CPSF4L: variants seen among roughly 807,000 people sequenced by gnomAD.
The protein encoded by CPSF4L is cleavage and polyadenylation specific factor 4 like, also known as putative cleavage and polyadenylation specificity factor subunit 4-like protein.
CPSF4L carries 18 observed loss-of-function variants against 24.0 expected under a neutral mutation model. The observed-to-expected ratio is 0.75, with a 90% CI of 0.52 to 1.11. The LOEUF (loss-of-function observed/expected upper bound fraction) is 1.11, where lower values mean the gene tolerates loss of function less well. Among genes scored for constraint, CPSF4L ranks in the 50% least tolerant of loss-of-function variants. The pLI is 0.00. For missense variants in CPSF4L, 211 were observed against 221.8 expected, an observed-to-expected ratio of 0.95 and a Z score of 0.31; for synonymous variants, 72 against 77.2, an observed-to-expected ratio of 0.93 and a Z score of 0.35.
Position 73,261,795 on chromosome 17 carries a change from T to G in CPSF4L, c.24A>C (p.Leu8=). 6.4e-7 allele frequency: 1 copy of G among 1,551,734 alleles called. No homozygotes were observed. MQEVIAG[L]ERFTFAFEKD... Reference sequence around the variant, plus strand: ...TCTCGAAGGCAAAGGTGAACCGCTCTAGCCCCGCAATGACCTCTTGCATCT... The same window carrying G: ...TCTCGAAGGCAAAGGTGAACCGCTCGAGCCCCGCAATGACCTCTTGCATCT... The change falls in exon 1 of 6, where the codon CTA becomes CTC. Residue 8 remains leucine, a synonymous_variant. Coordinates refer to ENST00000344935, the MANE Select transcript of CPSF4L (RefSeq NM_001129885.1).
At chr17:73,242,383 T>G in the CPSF4L span, 5 of 1,450,656 alleles carry the variant, frequency 3.4e-6, no homozygotes, top group Non-Finnish European at 4.7e-6. Flanking sequence ...TGTCTTCTGT[T>G]GCAGGTTCTG....
At chr17:73,242,781 A>T in the CPSF4L span, 1 of 727,222 alleles carries the variant, frequency 1.4e-6, no homozygotes, top group Non-Finnish European at 2.3e-6. Context: ...ATGTGCGTGT[A>T]AATCTCTGAA....
chr17:73,262,151 A>G (rs7213309), upstream of CPSF4L: 259,504 of 261,100 alleles, frequency 0.99, 128,982 homozygotes, highest in East Asian at 1. Flanking sequence ...TGGCGTGCAC[A>G]CAGACATTAC....
At chr17:73,248,658 A>T (rs546839042) in intron 5 of CPSF4L, 122 bp from the exon 6 acceptor site, 1 of 992,990 alleles carries the variant, frequency 1.0e-6, no homozygotes, top group East Asian at 2.6e-5. Context: ...GAGAGGACGT[A>T]TTTGAAGGTT....
At chr17:73,245,168 A>G (rs201204708), downstream of CPSF4L, 13 of 1,613,632 alleles carry the variant, frequency 8.1e-6, no homozygotes, top group African/African-American at 1.6e-4. Flanking sequence ...TTATCCAAAG[A>G]GCTGCAGCGG....
chr17:73,246,795 A>G (rs575427838), downstream of CPSF4L, among the ~76,000 whole-genome samples: 1 of 152,210 alleles, frequency 6.6e-6, no homozygotes, highest in African/African-American at 2.4e-5. Flanking sequence ...GAAGAGTTCT[A>G]CATTCAGTTA....
At chr17:73,247,260 G>A (rs1403236388), downstream of CPSF4L, 1 of 1,614,162 alleles carries the variant, frequency 6.2e-7, no homozygotes, top group Non-Finnish European at 8.5e-7. Flanking sequence ...GCCGACCCCT[G>A]CCCTGGAAGA....
intron 5 of CPSF4L, among the ~76,000 whole-genome samples, chr17:73,252,299 A>G (rs1039315396): frequency 2.0e-5 from 3 of 152,144 alleles, no homozygotes; most frequent in African/African-American, 7.2e-5. Flanking sequence ...ATATTTCAGA[A>G]CCCTGTAGGG....
chr17:73,245,556 C>G (rs1461761681), downstream of CPSF4L: 3 of 985,220 alleles, frequency 3.0e-6, no homozygotes, highest in Admixed American at 1.8e-4. Flanking sequence ...CATTACCATT[C>G]AGCTATATGA....
chr17:73,261,873 A>T lies in CPSF4L; in HGVS notation c.-55T>A. 1.5e-6 allele frequency: 2 copies of T among 1,341,764 alleles called. No individual in the cohort carries two copies. Among genetic ancestry groups the T allele is most frequent in the East Asian group, 5.0e-5 (2 of 39,816 alleles). The allele number at this position is 1,341,764 out of a possible 1,614,324, so 83.1% of individuals were successfully genotyped here. A position where few individuals can be genotyped will look rare whatever the true frequency, so the allele number is the denominator to read the frequency against. On this transcript the variant is annotated 5_prime_UTR_variant, in exon 1 of 6. Transcript: ENST00000344935. Reference sequence around the variant, plus strand: ...TGCTGGAACCCAGGCAGGTGGGCCCAATATAGCTCATCAGAGGCCCTTAAG... The same window carrying T: ...TGCTGGAACCCAGGCAGGTGGGCCCTATATAGCTCATCAGAGGCCCTTAAG...
chr17:73,244,016 G>A (rs1366410736), downstream of CPSF4L, among the ~76,000 whole-genome samples: 19 of 152,184 alleles, frequency 1.2e-4, no homozygotes, highest in East Asian at 1.9e-4. Flanking sequence ...ATGTGTCTAA[G>A]TCTTATTGCT....
chr17:73,258,757 T>C (rs1361373655), intron 2 of CPSF4L, among the ~76,000 whole-genome samples: 1 of 152,196 alleles, frequency 6.6e-6, no homozygotes, highest in Non-Finnish European at 1.5e-5. Context: ...CCCCCTCTCG[T>C]CCTGCCAGGG....
chr17:73,255,818 CG>C (rs1198581068), intron 3 of CPSF4L, among the ~76,000 whole-genome samples: 1 of 152,152 alleles, frequency 6.6e-6, no homozygotes, highest in Non-Finnish European at 1.5e-5. Context: ...CACTGGTTGC[CG>C]TTCTGCTGCG....
chr17:73,255,350 T>C (rs2062020833), intron 3 of CPSF4L, among the ~76,000 whole-genome samples: 1 of 151,546 alleles, frequency 6.6e-6, no homozygotes, highest in African/African-American at 2.4e-5. Context: ...CTACTAAAAA[T>C]ACAAAAATTA....
chr17:73,261,405 T>C (rs1218380964), intron 1 of CPSF4L, among the ~76,000 whole-genome samples: 3 of 152,208 alleles, frequency 2.0e-5, no homozygotes, highest in Non-Finnish European at 2.9e-5. Flanking sequence ...CTCATGCCTG[T>C]AATCCCAGCA....
chr17:73,257,680 C>A lies in CPSF4L; in HGVS notation c.307+1G>T, dbSNP rs1599414187. The A allele has an allele frequency of 3.2e-6, 5 of 1,551,514 alleles. No individual in the cohort carries two copies. Among genetic ancestry groups the A allele is most frequent in the East Asian group, 4.9e-5 (2 of 40,912 alleles). ...GGCACCGAGCCAGGAAGAGGCCTTACCAAACTTGGAGTAGAAGTAGCACTC... is the reference window on the plus strand; with the variant it reads ...GGCACCGAGCCAGGAAGAGGCCTTAACAAACTTGGAGTAGAAGTAGCACTC... On this transcript the variant is annotated splice_donor_variant, in intron 3 of 5. Transcript: ENST00000344935. LOFTEE classifies it high-confidence loss of function.
chr17:73,250,980 C>T, intron 5 of CPSF4L: 1 of 1,537,766 alleles, frequency 6.5e-7, no homozygotes, highest in South Asian at 1.2e-5. Context: ...CACCCTGTGG[C>T]ACAGGCCCTG....
chr17:73,256,522 T>C (rs1427043474), intron 3 of CPSF4L, among the ~76,000 whole-genome samples: 1 of 152,244 alleles, frequency 6.6e-6, no homozygotes, highest in Non-Finnish European at 1.5e-5. Flanking sequence ...TCCAGGGGAT[T>C]CTGCCAGCTC....
upstream of CPSF4L, chr17:73,261,917 T>TC: frequency 1.2e-6 from 1 of 852,794 alleles, no homozygotes. Flanking sequence ...GCCCAATGCC[T>TC]CCCCCTTCAC....
Sources: gnomAD v4.1 joint callset for allele counts (sites outside exome capture counted in the v4.1 genomes callset) on GRCh38, gnomAD v4.1.1 for gene constraint, MANE v1.5 for transcripts, NCBI Gene and HGNC (gene_info 2026-07-23, HGNC 2026-07-21) for gene names.